The following SIRPA variants were observed in gnomAD, a reference collection of about 807,000 sequenced individuals.
SIRPA encodes tyrosine-protein phosphatase non-receptor type substrate 1.
A neutral mutation model predicts 50.3 loss-of-function variants in SIRPA; 9 were observed. The ratio of observed to expected loss-of-function variants is 0.18; its 90% confidence interval spans 0.11 to 0.31. SIRPA has a LOEUF of 0.31. SIRPA is among the 10% of genes least tolerant of loss of function. The pLI, the probability that SIRPA is intolerant of heterozygous loss-of-function variation, is 1.00. For missense variants in SIRPA, 474 were observed against 661.6 expected, an observed-to-expected ratio of 0.72 and a Z score of 3.11; for synonymous variants, 265 against 284.1, an observed-to-expected ratio of 0.93 and a Z score of 0.68.
intron 1 of SIRPA, among the ~76,000 whole-genome samples, chr20:1,897,951 C>G (rs1983926825): frequency 6.6e-6 from 1 of 152,236 alleles, no homozygotes; most frequent in Non-Finnish European, 1.5e-5. Flanking sequence ...GGGCAAGGGA[C>G]TGAGGCCTGG....
At chr20:1,895,614 G>C in intron 1 of SIRPA, 88 bp downstream of exon 1, 1 of 1,048,906 alleles carries the variant, frequency 9.5e-7, no homozygotes, top group Non-Finnish European at 1.3e-6. Context: ...TTCGGCTAAT[G>C]CCGAGCAGTA....
At chr20:1,910,918 C>A (rs145529679) in intron 1 of SIRPA, among the ~76,000 whole-genome samples, 364 of 151,758 alleles carry the variant, frequency 2.4e-3, no homozygotes, top group African/African-American at 8.5e-3. Flanking sequence ...TTTTCTCCAT[C>A]TTTTTTTTTC....
chr20:1,902,606 C>G (rs183617124), intron 1 of SIRPA, among the ~76,000 whole-genome samples: 1 of 152,208 alleles, frequency 6.6e-6, no homozygotes, highest in Non-Finnish European at 1.5e-5. Flanking sequence ...GAAAAACACA[C>G]CCAAGTAAAC....
At chr20:1,930,412 A>T (rs1320355299) in intron 6 of SIRPA, among the ~76,000 whole-genome samples, 3 of 152,196 alleles carry the variant, frequency 2.0e-5, no homozygotes, top group Non-Finnish European at 1.5e-5. Context: ...GGTGCTTAGT[A>T]AAGGTTTACT....
Position 1,940,068 on chromosome 20 carries a change from G to A in SIRPA, c.*2500G>A, listed in dbSNP as rs938867002. 2 of 152,204 alleles carry A rather than the reference G, an allele frequency of 1.3e-5. No homozygotes were observed. The highest frequency in any genetic ancestry group is 2.9e-5 in the Non-Finnish European group (2 of 68,038). The allele number at this position is 152,204 out of a possible 1,614,324, so 9.4% of individuals were successfully genotyped here. ...TTTTAGAGACGTACAATTTTTGTTT[G>A]CCCTGGCTCAGAAGGAGCCGGTGTA... On this transcript the variant is annotated 3_prime_UTR_variant, in exon 8 of 8. Coordinates refer to ENST00000358771, the MANE Select transcript of SIRPA (RefSeq NM_001040023.2).
chr20:1,926,223 C>T lies in SIRPA; in HGVS notation c.1201+1346C>T, dbSNP rs915166820. 5.9e-5 allele frequency among the ~76,000 whole-genome samples: 9 copies of T among 152,258 alleles called. No homozygotes were observed. In the South Asian group the frequency reaches 1.4e-3, roughly 25 times the overall value. On this transcript the variant is annotated intron_variant, in intron 5 of 7. Transcript: ENST00000358771. ...CCCTGCTTCTCCAGAATCTGCAAGA[C>T]GTCCCACCAAGACGTCTACCCAATG...
chr20:1,899,103 T>C (rs774661870), intron 1 of SIRPA, among the ~76,000 whole-genome samples: 30 of 151,518 alleles, frequency 2.0e-4, no homozygotes, highest in East Asian at 5.8e-4. Flanking sequence ...GTTTCCCCCC[T>C]CTCTCTCTCT....
Position 1,936,900 on chromosome 20 carries a change from G to A in SIRPA, c.1267-420G>A, listed in dbSNP as rs1986607119. On this transcript the variant is annotated intron_variant, in intron 7 of 7. Transcript: ENST00000358771. This position sits in a 1 kb window ranked among gnomAD's most constrained non-coding sequence, Gnocchi z 4.2. ...GCCAGGAGAGGGGAGAGCCAGGGAG[G>A]GTCTTAGTATGAGCCATGCTTCATC... Among the ~76,000 whole-genome samples, 1 of 152,114 alleles carries A rather than the reference G, an allele frequency of 6.6e-6. No homozygotes were observed. The highest frequency in any genetic ancestry group is 6.5e-5 in the Admixed American group (1 of 15,268).
At chr20:1,929,747 T>C (rs1306138352) in intron 6 of SIRPA, among the ~76,000 whole-genome samples, 1 of 152,134 alleles carries the variant, frequency 6.6e-6, no homozygotes, top group African/African-American at 2.4e-5. Flanking sequence ...TGGGCACATG[T>C]GTTTTCCTTT....
intron 1 of SIRPA, among the ~76,000 whole-genome samples, chr20:1,897,622 C>T (rs1393153839): frequency 6.6e-6 from 1 of 152,178 alleles, no homozygotes; most frequent in Admixed American, 6.5e-5. Flanking sequence ...GAGTGAGAAA[C>T]TAAAATGTCA....
chr20:1,926,110 C>T (rs1300812077), intron 5 of SIRPA, among the ~76,000 whole-genome samples: 1 of 152,236 alleles, frequency 6.6e-6, no homozygotes, highest in Non-Finnish European at 1.5e-5. Flanking sequence ...GCTCCTTCAC[C>T]TCTGCCTCCC....
chr20:1,912,654 A>G (rs1192291347), intron 1 of SIRPA, among the ~76,000 whole-genome samples: 1 of 152,206 alleles, frequency 6.6e-6, no homozygotes, highest in African/African-American at 2.4e-5. Flanking sequence ...CCCAGCACCT[A>G]TGCAGCAGGC....
In SIRPA at chr20:1,898,097, C is replaced by A. The variant is rs114914040; in HGVS notation, c.79+2571C>A. ...TCAGATAAACTCCCATTCATTTCTTCTCTCTGGCCTGGAGGAGGCCAAGCC... is the reference window on the plus strand; with the variant it reads ...TCAGATAAACTCCCATTCATTTCTTATCTCTGGCCTGGAGGAGGCCAAGCC... On this transcript the variant is annotated intron_variant, in intron 1 of 7. Transcript: ENST00000358771. This position sits in a 1 kb window ranked among gnomAD's most constrained non-coding sequence, Gnocchi z 4.3. Among the ~76,000 whole-genome samples, 1 of 152,338 alleles carries A rather than the reference C, an allele frequency of 6.6e-6. No homozygotes were observed. The highest frequency in any genetic ancestry group is 2.4e-5 in the African/African-American group (1 of 41,572).
At chr20:1,895,289 G>T, upstream of SIRPA, 1 of 453,616 alleles carries the variant, frequency 2.2e-6, no homozygotes, top group Non-Finnish European at 3.8e-6. Context: ...AAACCGCGGC[G>T]GCGGCGGCGG....
intron 1 of SIRPA, among the ~76,000 whole-genome samples, chr20:1,896,376 G>A (rs1983822506): frequency 6.6e-6 from 1 of 150,964 alleles, no homozygotes. Context: ...TCACCAAAGG[G>A]TGAGGTCACC....
rs1216504796 is a variant in SIRPA at position 1,939,837 on chromosome 20, A to G, written c.*2269A>G. The stretch of plus-strand genomic sequence containing the variant: ...AGGCCCCATTTTGTATATAGTTGCA[A>G]CTTAAACTTTTTGGCTTGCAAAATA... On this transcript the variant is annotated 3_prime_UTR_variant, in exon 8 of 8. Transcript: ENST00000358771. This position sits in a 1 kb window ranked among gnomAD's most constrained non-coding sequence, Gnocchi z 4.7. 1 of 152,630 alleles carries G rather than the reference A, an allele frequency of 6.6e-6. No homozygotes were observed. Among genetic ancestry groups the G allele is most frequent in the Non-Finnish European group, 1.5e-5 (1 of 68,044 alleles). 9.5% of individuals were successfully genotyped at this position (152,630 alleles called of 1,614,324 possible).
chr20:1,911,476 T>C (rs1334123447), intron 1 of SIRPA, among the ~76,000 whole-genome samples: 2 of 152,212 alleles, frequency 1.3e-5, no homozygotes, highest in Non-Finnish European at 2.9e-5. Flanking sequence ...AATTTCTATA[T>C]GACCACCGTT....
rs150040229 is a variant in SIRPA at position 1,927,426 on chromosome 20, G to C, written c.1202-449G>C. Reference sequence around the variant, plus strand: ...TGAGAGAGAGGAAGTGACCCACCCGGGGTCACATGGTGAGTGAGTGGGTAG... The same window carrying C: ...TGAGAGAGAGGAAGTGACCCACCCGCGGTCACATGGTGAGTGAGTGGGTAG... On this transcript the variant is annotated intron_variant, in intron 5 of 7. Coordinates refer to ENST00000358771, the MANE Select transcript of SIRPA (RefSeq NM_001040023.2). This position sits in a 1 kb window ranked among gnomAD's most constrained non-coding sequence, Gnocchi z 6.5. Among the ~76,000 whole-genome samples the C allele has an allele frequency of 4.3e-4, 65 of 152,290 alleles. No homozygotes were observed. The highest frequency in any genetic ancestry group is 1.5e-3 in the African/African-American group (62 of 41,542).
chr20:1,899,695 A>C (rs1271097088), intron 1 of SIRPA, among the ~76,000 whole-genome samples: 1 of 152,168 alleles, frequency 6.6e-6, no homozygotes, highest in Non-Finnish European at 1.5e-5. Context: ...GAGCCTCTCC[A>C]CGCAGACACA....
Sources: allele counts gnomAD v4.1 joint callset (sites outside exome capture counted in the v4.1 genomes callset), GRCh38; gene constraint gnomAD v4.1.1; non-coding constraint Gnocchi (gnomAD v3.1); transcripts MANE v1.5; gene names NCBI Gene and HGNC (gene_info 2026-07-23, HGNC 2026-07-21).